NPHP3: variants seen among roughly 807,000 people sequenced by gnomAD.
NPHP3 encodes the protein nephrocystin-3.
NPHP3 carries 123 observed loss-of-function variants against 171.9 expected under a neutral mutation model. The observed-to-expected ratio is 0.72, with a 90% CI of 0.62 to 0.83. NPHP3 has a LOEUF of 0.83. Among genes scored for constraint, NPHP3 ranks in the 40% least tolerant of loss-of-function variants. The probability of loss-of-function intolerance (pLI) is 0.00; values close to 1 mark genes in which losing one functional copy is unlikely to be tolerated. For synonymous variants in NPHP3, 558 were observed against 579.2 expected (o/e 0.96, Z 0.52); for missense variants, 1,506 against 1,591.9 (o/e 0.95, Z 0.92).
chr3:132,717,244 C>T (rs763329832), intron 3 of NPHP3: 5 of 247,958 alleles, frequency 2.0e-5, no homozygotes, highest in Non-Finnish European at 3.2e-5. Flanking sequence ...ACAGCTTAGA[C>T]ACCAGTTAAA....
Position 132,689,230 on chromosome 3 carries a change from C to T in NPHP3, c.2727G>A (p.Gln909=), listed in dbSNP as rs1939239192. The T allele has an allele frequency of 6.2e-7, 1 of 1,614,176 alleles. No homozygotes were observed. Among genetic ancestry groups the T allele is most frequent in the Middle Eastern group, 1.6e-4 (1 of 6,062 alleles). The change falls in exon 20 of 27, where the codon CAG becomes CAA. Residue 909 remains glutamine, a synonymous_variant. Transcript: ENST00000337331. The part of the protein sequence containing the change: ...GHFAELLSYW[Q]FVGKDKSAMA... ...TTGCACTTTTGTCTTTGCCAACAAACTGCCAATAACTCAGCAACTCAGCAA... is the reference window on the plus strand; with the variant it reads ...TTGCACTTTTGTCTTTGCCAACAAATTGCCAATAACTCAGCAACTCAGCAA...
At position 132,694,889 on chromosome 3, in the gene NPHP3, G is replaced by A. The variant is rs759304433; in HGVS notation, c.2248C>T (p.Leu750Phe). The change falls in exon 16 of 27, where the codon CTT becomes TTT. Residue 750 changes from leucine (L) to phenylalanine (F), a missense_variant. Leu to Phe is a conservative substitution (Grantham distance 22, BLOSUM62 0). This residue lies in a region of NPHP3 where 930 missense variants were observed against 924.9 expected (regional missense o/e 1.01). Coordinates refer to ENST00000337331, the MANE Select transcript of NPHP3 (RefSeq NM_153240.5). ...QCQDTLSLYR[L>F]VLHSIRESMA... The stretch of plus-strand genomic sequence containing the variant: ...GACTCCCGGATAGAGTGCAGAACAA[G>A]TCTATATAATGAAAGAGTATCTTGA... The A allele has an allele frequency of 6.2e-7, 1 of 1,613,664 alleles. No homozygotes were observed. The highest frequency in any genetic ancestry group is 8.5e-7 in the Non-Finnish European group (1 of 1,179,752).
intron 15 of NPHP3, 185 bp from the exon 16 acceptor site, chr3:132,695,150 T>C (rs532426748): frequency 1.9e-5 from 11 of 581,128 alleles, no homozygotes; most frequent in Middle Eastern, 4.6e-4. Context: ...TATTTTACTA[T>C]ATATAATTTA....
chr3:132,722,260 C>A lies in NPHP3; in HGVS notation c.96G>T (p.Val32=), dbSNP rs780089188. The A allele has an allele frequency of 6.3e-7, 1 of 1,576,706 alleles. No individual in the cohort carries two copies. The highest frequency in any genetic ancestry group is 8.5e-7 in the Non-Finnish European group (1 of 1,170,500). Residue 32 remains valine, a synonymous_variant, in exon 1 of 27, where the codon GTG becomes GTT. Coordinates refer to ENST00000337331, the MANE Select transcript of NPHP3 (RefSeq NM_153240.5). ...AGGGEACEIP[V]EVKPKARLLR... ...GCAGGCGGGCCTTGGGCTTCACCTCCACCGGGATCTCGCAGGCCTCGCCGC... is the reference window on the plus strand; with the variant it reads ...GCAGGCGGGCCTTGGGCTTCACCTCAACCGGGATCTCGCAGGCCTCGCCGC...
intron 11 of NPHP3, 119 bp from the exon 12 acceptor site, chr3:132,700,180 A>G (rs1939568433): frequency 7.7e-7 from 1 of 1,290,534 alleles, no homozygotes; most frequent in Non-Finnish European, 1.1e-6. Context: ...AGTCACCAAG[A>G]GGACCCGATT....
chr3:132,706,137 T>A (rs112934128), intron 7 of NPHP3, among the ~76,000 whole-genome samples: 8,271 of 151,428 alleles, frequency 0.055, 325 homozygotes, highest in African/African-American at 0.12. Flanking sequence ...AGGTGGGCGG[T>A]TCACGAAGTC....
chr3:132,721,262 G>A (rs1447670776), intron 1 of NPHP3, among the ~76,000 whole-genome samples: 2 of 152,174 alleles, frequency 1.3e-5, no homozygotes, highest in African/African-American at 4.8e-5. Context: ...CTGCTACATG[G>A]AGGGCATGCA....
chr3:132,684,743 T>G lies in NPHP3; in HGVS notation c.3381A>C (p.Leu1127=). ...KRSLEMRERV[L]GPDHPDCAQS... is the part of the protein sequence containing the mutation. The stretch of plus-strand genomic sequence containing the variant: ...GAGCACAGTCAGGGTGATCTGGTCC[T>G]AGAACTCGCTCCCTCATTTCTAAGG... The change falls in exon 24 of 27, where the codon CTA becomes CTC. Residue 1127 remains leucine, a synonymous_variant. Coordinates refer to ENST00000337331, the MANE Select transcript of NPHP3 (RefSeq NM_153240.5). 1 of 1,614,048 alleles carries G rather than the reference T, an allele frequency of 6.2e-7. No individual in the cohort carries two copies. Among genetic ancestry groups the G allele is most frequent in the Non-Finnish European group, 8.5e-7 (1 of 1,179,980 alleles).
At chr3:132,691,401 A>G in intron 17 of NPHP3, 115 bp from the exon 18 acceptor site, 1 of 741,122 alleles carries the variant, frequency 1.3e-6, no homozygotes, top group South Asian at 1.5e-5. Flanking sequence ...TGTATAATAG[A>G]AATGTCACTT....
At chr3:132,693,003 G>C (rs571131080) in intron 16 of NPHP3, 185 bp from the exon 17 acceptor site, 110 of 599,404 alleles carry the variant, frequency 1.8e-4, no homozygotes, top group Admixed American at 1.1e-3. Flanking sequence ...TGAAGATTAA[G>C]ATAGTGTATA....
chr3:132,720,442 C>G (rs949281378), intron 1 of NPHP3, among the ~76,000 whole-genome samples: 1 of 152,182 alleles, frequency 6.6e-6, no homozygotes, highest in African/African-American at 2.4e-5. Context: ...TTTTCTACCC[C>G]CACCTCACAG....
At chr3:132,716,336 G>A (rs1484642558) in intron 4 of NPHP3, among the ~76,000 whole-genome samples, 1 of 152,156 alleles carries the variant, frequency 6.6e-6, no homozygotes, top group African/African-American at 2.4e-5. Flanking sequence ...GAGTGGATCT[G>A]TGGATATAGA....
In NPHP3 at chr3:132,699,985, A is replaced by G; in HGVS notation, c.1820T>C (p.Leu607Pro). The change falls in exon 12 of 27, where the codon CTG (leucine) becomes CCG (proline). Residue 607 changes from leucine (L) to proline (P), a missense_variant. By Grantham distance (98) the Leu-to-Pro change is moderately conservative. This residue lies in a region of NPHP3 where 930 missense variants were observed against 924.9 expected (regional missense o/e 1.01). Transcript: ENST00000337331. ...TTGATGACGAGCAGAGAGTTTTTCCAGCCAACGTGGAAATTCTTCCAGAAG... is the reference window on the plus strand; with the variant it reads ...TTGATGACGAGCAGAGAGTTTTTCCGGCCAACGTGGAAATTCTTCCAGAAG... ...AKLLEEFPRWLEKLSARHQGS... is the reference protein window; with the variant it reads ...AKLLEEFPRWPEKLSARHQGS... 1 of 1,614,132 alleles carries G rather than the reference A, an allele frequency of 6.2e-7. No individual in the cohort carries two copies. The highest frequency in any genetic ancestry group is 1.3e-5 in the African/African-American group (1 of 75,036).
rs1559999380 is a variant in NPHP3 at position 132,683,402 on chromosome 3, T to G, written c.3693A>C (p.Gln1231His). The G allele has an allele frequency of 6.2e-7, 1 of 1,612,880 alleles. No homozygotes were observed. Among genetic ancestry groups the G allele is most frequent in the Non-Finnish European group, 8.5e-7 (1 of 1,179,110 alleles). The change falls in exon 25 of 27, where the codon CAA becomes CAC. Residue 1231 changes from glutamine (Q) to histidine (H), a missense_variant. Around this residue, in one of 3 missense-constraint regions of NPHP3, gnomAD observed 569 missense variants for 648.1 expected, o/e 0.88. Coordinates refer to ENST00000337331, the MANE Select transcript of NPHP3 (RefSeq NM_153240.5). Reference protein sequence around the residue: ...ALVNLAVLYSQMKKHVEALPL... With the variant: ...ALVNLAVLYSHMKKHVEALPL... ...ACGTTAAAATATGGGAACTTACCATTTGGCTATAAAGAACAGCTAAGTTCA... is the reference window on the plus strand; with the variant it reads ...ACGTTAAAATATGGGAACTTACCATGTGGCTATAAAGAACAGCTAAGTTCA...
chr3:132,707,840 C>G (rs933608550), intron 7 of NPHP3, among the ~76,000 whole-genome samples: 3 of 152,150 alleles, frequency 2.0e-5, no homozygotes, highest in African/African-American at 7.2e-5. Flanking sequence ...GATGATCACG[C>G]CAGCCCTCAT....
At chr3:132,684,980 G>T (rs1939119849) in intron 23 of NPHP3, 186 bp from the exon 24 acceptor site, 3 of 623,424 alleles carry the variant, frequency 4.8e-6, no homozygotes, top group Non-Finnish European at 8.2e-6. Flanking sequence ...TTTCCTGACA[G>T]TTTGAGGGCC....
intron 5 of NPHP3, among the ~76,000 whole-genome samples, chr3:132,714,300 TA>T (rs1939989813): frequency 1.3e-5 from 2 of 152,238 alleles, no homozygotes; most frequent in Admixed American, 6.5e-5. Context: ...CTGGGCCATT[TA>T]AAACAGGCAG....
Position 132,688,895 on chromosome 3 carries a change from G to T in NPHP3, c.2884-4C>A, listed in dbSNP as rs185913426. 3.1e-6 allele frequency: 5 copies of T among 1,614,022 alleles called. No homozygotes were observed. The Admixed American group carries it at 5.0e-5, about 16-fold the overall frequency. ...ACCTCTGCAAAGGTACTATGGCCTG[G>T]GGGGAAAAGGGGTGAAAGGCCAGTT... is the stretch of plus-strand genomic sequence containing the variant. On this transcript the variant is annotated splice_region_variant and splice_polypyrimidine_tract_variant and intron_variant, in intron 20 of 26. Transcript: ENST00000337331.
Position 132,722,212 on chromosome 3 carries a change from G to A in NPHP3, c.144C>T (p.Gly48=), listed in dbSNP as rs766838224. The part of the protein sequence containing the change: ...ARLLRNSFRR[G]AGAAAGAGPG... Reference sequence around the variant, plus strand: ...GCCCGGCCCCTGCTGCCGCCCCCGCGCCTCGGCGGAACGAGTTGCGCAGCA... The same window carrying A: ...GCCCGGCCCCTGCTGCCGCCCCCGCACCTCGGCGGAACGAGTTGCGCAGCA... Residue 48 remains glycine (G), a synonymous_variant, in exon 1 of 27, where the codon GGC becomes GGT. Transcript: ENST00000337331. The A allele has an allele frequency of 2.0e-6, 3 of 1,526,932 alleles. No homozygotes were observed. In the South Asian group the frequency reaches 3.6e-5, roughly 18 times the overall value. 94.6% of individuals were successfully genotyped at this position (1,526,932 alleles called of 1,614,324 possible).
Sources: allele counts gnomAD v4.1 joint callset (sites outside exome capture counted in the v4.1 genomes callset), GRCh38; gene constraint gnomAD v4.1.1; regional missense constraint gnomAD v4.1.1; transcripts MANE v1.5; gene names NCBI Gene and HGNC (gene_info 2026-07-23, HGNC 2026-07-21).